Variants in PAIP1 observed in about 807,000 individuals in gnomAD.
The protein encoded by PAIP1 is polyadenylate-binding protein-interacting protein 1.
In PAIP1, 16 loss-of-function variants were observed where a neutral mutation model predicts 61.3. The observed-to-expected ratio is 0.26, with a 90% CI of 0.18 to 0.40. PAIP1 has a LOEUF of 0.40. PAIP1 is among the 10% of genes least tolerant of loss of function. The probability of loss-of-function intolerance (pLI) is 1.00; values close to 1 mark genes in which losing one functional copy is unlikely to be tolerated. For missense variants in PAIP1, 416 were observed against 600.9 expected, an observed-to-expected ratio of 0.69 and a Z score of 3.22; for synonymous variants, 187 against 226.2, an observed-to-expected ratio of 0.83 and a Z score of 1.56.
chr5:43,533,358 TA>T (rs1747017984), intron 9 of PAIP1, among the ~76,000 whole-genome samples: 1 of 152,204 alleles, frequency 6.6e-6, no homozygotes, highest in African/African-American at 2.4e-5. Context: ...TGTAAAGTAT[TA>T]ACCCATATTA....
rs1346442585 is a variant in PAIP1 at position 43,547,865 on chromosome 5, C to T, written c.484G>A (p.Val162Ile). 6.2e-7 allele frequency: 1 copy of T among 1,612,456 alleles called. No individual in the cohort carries two copies. Among genetic ancestry groups the T allele is most frequent in the African/African-American group, 1.3e-5 (1 of 74,888 alleles). Reference sequence around the variant, plus strand: ...GTAAGATGATTCAAAAAATCCTGAACATATTCTGATAGAGTAGGATAATCC... The same window carrying T: ...GTAAGATGATTCAAAAAATCCTGAATATATTCTGATAGAGTAGGATAATCC... ...CEDYPTLSEY[V>I]QDFLNHLTEQ... Residue 162 changes from valine (V) to isoleucine (I), a missense_variant, in exon 3 of 11, where the codon GTT (valine) becomes ATT (isoleucine). Val to Ile is a conservative substitution (Grantham distance 29). Transcript: ENST00000306846.
At chr5:43,540,445 T>C (rs1222354095) in intron 4 of PAIP1, among the ~76,000 whole-genome samples, 1 of 152,210 alleles carries the variant, frequency 6.6e-6, no homozygotes, top group Non-Finnish European at 1.5e-5. Context: ...ATTATGTACA[T>C]GCAAACAAAT....
intron 6 of PAIP1, among the ~76,000 whole-genome samples, chr5:43,535,985 T>TTAA (rs1554039830): frequency 0.031 from 3,645 of 116,118 alleles, 73 homozygotes; most frequent in Non-Finnish European, 0.038. Context: ...AAGCTTTGAA[T>TTAA]AAAAAAAAAA....
intron 8 of PAIP1, among the ~76,000 whole-genome samples, chr5:43,534,159 G>A (rs1747053368): frequency 6.6e-6 from 1 of 151,462 alleles, no homozygotes; most frequent in African/African-American, 2.4e-5. Flanking sequence ...CTTTATGTTT[G>A]TTCATGTCAG....
chr5:43,527,527 C>T (rs1024209349), intron 10 of PAIP1, 58 bp from the exon 11 acceptor site: 32 of 1,438,614 alleles, frequency 2.2e-5, no homozygotes, highest in Non-Finnish European at 2.8e-5. Flanking sequence ...AAGTAAGATG[C>T]TAAATCATGA....
In PAIP1 at chr5:43,547,675, T is replaced by C. The variant is rs946071186; in HGVS notation, c.621+53A>G. The C allele has an allele frequency of 5.1e-6, 6 of 1,180,070 alleles. No homozygotes were observed. The African/African-American group carries it at 6.1e-5, about 12-fold the overall frequency. 73.1% of individuals were successfully genotyped at this position (1,180,070 alleles called of 1,614,324 possible). ...CTCCCTCAAGGAGTAGCCACTATCC[T>C]TGGGCTTCAAGGAAGCTATCTGAAG... On this transcript the variant is annotated intron_variant, in intron 3 of 10. Transcript: ENST00000306846.
intron 9 of PAIP1, 47 bp from the exon 10 acceptor site, chr5:43,529,926 A>G (rs779791110): frequency 4.5e-6 from 4 of 882,902 alleles, no homozygotes; most frequent in Non-Finnish European, 7.7e-6. Context: ...AAAATATCAC[A>G]TGAAATGACC....
At position 43,543,015 on chromosome 5, in the gene PAIP1, C is replaced by T. The variant is rs775322543; in HGVS notation, c.723G>A (p.Leu241=). The T allele has an allele frequency of 1.2e-5, 19 of 1,538,056 alleles. No homozygotes were observed. The highest frequency in any genetic ancestry group is 1.2e-5 in the Non-Finnish European group (13 of 1,111,666). ...ACATTTACACTGACCTTTGAAGTAG[C>T]AATTGGCGGAAGTTGCCACTCTGTG... The part of the protein sequence containing the change: ...ISPQSGNFRQ[L]LLQRCRTEYE... The change falls in exon 4 of 11, where the codon TTG becomes TTA. Residue 241 remains leucine (L), a synonymous_variant. Coordinates refer to ENST00000306846, the MANE Select transcript of PAIP1 (RefSeq NM_006451.5).
At chr5:43,545,000 A>C (rs939371433) in intron 3 of PAIP1, among the ~76,000 whole-genome samples, 1 of 152,146 alleles carries the variant, frequency 6.6e-6, no homozygotes, top group African/African-American at 2.4e-5. Flanking sequence ...ATTTCCTCCT[A>C]TCACAGTATG....
At chr5:43,539,961 G>A (rs1257749031) in intron 4 of PAIP1, among the ~76,000 whole-genome samples, 1 of 152,204 alleles carries the variant, frequency 6.6e-6, no homozygotes, top group Non-Finnish European at 1.5e-5. Flanking sequence ...GGTTTTGACA[G>A]TTTTCCTTTT....
At chr5:43,539,176 T>C (rs1170980349) in intron 4 of PAIP1, 141 bp from the exon 5 acceptor site, 1 of 594,976 alleles carries the variant, frequency 1.7e-6, no homozygotes, top group Non-Finnish European at 3.0e-6. Flanking sequence ...AAAGAAACTG[T>C]TCCTGACTAT....
intron 5 of PAIP1, among the ~76,000 whole-genome samples, chr5:43,537,796 C>A (rs1010876332): frequency 3.3e-5 from 5 of 151,896 alleles, no homozygotes; most frequent in African/African-American, 1.2e-4. Context: ...GAGTTTGAGA[C>A]CAGCGTGGCC....
intron 1 of PAIP1, 51 bp downstream of exon 1, chr5:43,556,531 G>C (rs1748087228): frequency 8.1e-7 from 1 of 1,237,488 alleles, no homozygotes; most frequent in Non-Finnish European, 1.0e-6. Flanking sequence ...GTGGAGGGCC[G>C]TGGGGAAGCG....
At chr5:43,530,678 G>A (rs184371445) in intron 9 of PAIP1, among the ~76,000 whole-genome samples, 6 of 152,250 alleles carry the variant, frequency 3.9e-5, no homozygotes, top group East Asian at 3.9e-4. Flanking sequence ...ACAATTTAGA[G>A]ACCGTTTTAA....
At chr5:43,556,318 C>A in intron 1 of PAIP1, 1 of 1,235,430 alleles carries the variant, frequency 8.1e-7, no homozygotes, top group Non-Finnish European at 1.0e-6. Context: ...TGAGGGGAGG[C>A]GATTTTTACT....
chr5:43,545,913 G>A (rs1434233283), intron 3 of PAIP1, among the ~76,000 whole-genome samples: 1 of 151,980 alleles, frequency 6.6e-6, no homozygotes, highest in Non-Finnish European at 1.5e-5. Flanking sequence ...GGGATCACAG[G>A]CATGCACCAC....
chr5:43,530,316 A>T (rs1284507970), intron 9 of PAIP1, among the ~76,000 whole-genome samples: 12 of 152,140 alleles, frequency 7.9e-5, no homozygotes, highest in Non-Finnish European at 1.5e-4. Flanking sequence ...CTTCCCAGAG[A>T]GATGGGGAAG....
At chr5:43,540,346 T>C (rs1747347377) in intron 4 of PAIP1, among the ~76,000 whole-genome samples, 1 of 152,068 alleles carries the variant, frequency 6.6e-6, no homozygotes. Flanking sequence ...ACCTGTTGGC[T>C]GCTTTTCTGT....
At chr5:43,535,694 T>C in intron 6 of PAIP1, 54 bp from the exon 7 acceptor site, 2 of 936,582 alleles carry the variant, frequency 2.1e-6, no homozygotes, top group Non-Finnish European at 3.4e-6. Flanking sequence ...TTATAGAAAT[T>C]CTAAAAAGAT....
Sources: gnomAD v4.1 joint callset for allele counts (sites outside exome capture counted in the v4.1 genomes callset) on GRCh38, gnomAD v4.1.1 for gene constraint, MANE v1.5 for transcripts, NCBI Gene and HGNC (gene_info 2026-07-23, HGNC 2026-07-21) for gene names.